The following KIAA1614 variants were observed in gnomAD, a reference collection of about 807,000 sequenced individuals.
KIAA1614 encodes the protein KIAA1614, also known as uncharacterized protein KIAA1614.
A neutral mutation model predicts 88.7 loss-of-function variants in KIAA1614; 76 were observed. That is an observed-to-expected ratio of 0.86 (90% confidence interval 0.71 to 1.04). KIAA1614 has a LOEUF of 1.04. KIAA1614 is among the 50% of genes least tolerant of loss of function. The pLI, the probability that KIAA1614 is intolerant of heterozygous loss-of-function variation, is 0.00. For missense variants in KIAA1614, 1,553 were observed against 1,582.5 expected (o/e 0.98, Z 0.32); for synonymous variants, 714 against 675.5 (o/e 1.06, Z -0.88).
chr1:180,940,053 T>G (rs2102273858), intron 6 of KIAA1614, among the ~76,000 whole-genome samples: 1 of 152,346 alleles, frequency 6.6e-6, no homozygotes, highest in Non-Finnish European at 1.5e-5. Context: ...TTCAAAGAAG[T>G]GCCTGGTCAC....
chr1:180,933,807 G>A (rs555286564), intron 4 of KIAA1614, among the ~76,000 whole-genome samples: 28 of 152,344 alleles, frequency 1.8e-4, no homozygotes, highest in African/African-American at 6.5e-4. Flanking sequence ...GAGAGTGTGT[G>A]TGAGGGCTGG....
intron 7 of KIAA1614, among the ~76,000 whole-genome samples, chr1:180,942,810 G>T (rs1427554466): frequency 2.0e-5 from 3 of 152,168 alleles, no homozygotes; most frequent in African/African-American, 7.2e-5. Flanking sequence ...AATGGACAGA[G>T]ATAGGAAGTC....
At position 180,935,773 on chromosome 1, in the gene KIAA1614, A is replaced by G; in HGVS notation, c.1864A>G (p.Arg622Gly). Residue 622 changes from arginine (R) to glycine (G), a missense_variant, in exon 5 of 9, where the codon AGG (arginine) becomes GGG (glycine). By Grantham distance (125) the Arg-to-Gly change is moderately radical. Coordinates refer to ENST00000367588, the MANE Select transcript of KIAA1614 (RefSeq NM_020950.2). This position sits in a 1 kb window ranked among gnomAD's most constrained non-coding sequence, Gnocchi z 6.1. ...CAGCACAGACAACTCTGACAACTGC[A>G]GGACCGACAGTGAGGAGGCGGGGAC... Reference protein sequence around the residue: ...LDSTDNSDNCRTDSEEAGTSQ... With the variant: ...LDSTDNSDNCGTDSEEAGTSQ... 3.1e-6 allele frequency: 5 copies of G among 1,613,880 alleles called. No individual in the cohort carries two copies. Among genetic ancestry groups the G allele is most frequent in the Non-Finnish European group, 4.2e-6 (5 of 1,179,944 alleles).
rs1400278472 is a variant in KIAA1614, at chr1:180,947,614, T to C, written c.*2026T>C. ...CCTCACAGGCCTTCCCGTAGCCTCCTCTCCCGTTAGGGGAGCAGGACAGGC... is the reference window on the plus strand; with the variant it reads ...CCTCACAGGCCTTCCCGTAGCCTCCCCTCCCGTTAGGGGAGCAGGACAGGC... On this transcript the variant is annotated 3_prime_UTR_variant, in exon 9 of 9. Transcript: ENST00000367588. 6.6e-6 allele frequency: 1 copy of C among 152,146 alleles called. No homozygotes were observed. Among genetic ancestry groups the C allele is most frequent in the Non-Finnish European group, 1.5e-5 (1 of 68,048 alleles). The allele number at this position is 152,146 out of a possible 1,614,324, so 9.4% of individuals were successfully genotyped here. A position where few individuals can be genotyped will look rare whatever the true frequency, so the allele number is the denominator to read the frequency against.
At chr1:180,920,573 A>T (rs570079193) in intron 3 of KIAA1614, among the ~76,000 whole-genome samples, 1 of 152,258 alleles carries the variant, frequency 6.6e-6, no homozygotes, top group African/African-American at 2.4e-5. Context: ...AAGTGTTGCA[A>T]TCAAATAACC....
Position 180,950,440 on chromosome 1 carries a change from G to A in KIAA1614, c.*4852G>A, listed in dbSNP as rs1168840203. 4 of 1,188,446 alleles carry A rather than the reference G, an allele frequency of 3.4e-6. No individual in the cohort carries two copies. The highest frequency in any genetic ancestry group is 6.7e-5 in the Admixed American group (2 of 29,816). The allele number at this position is 1,188,446 out of a possible 1,614,324, so 73.6% of individuals were successfully genotyped here. A position where few individuals can be genotyped will look rare whatever the true frequency, so the allele number is the denominator to read the frequency against. On this transcript the variant is annotated 3_prime_UTR_variant, in exon 9 of 9. Transcript: ENST00000367588. The stretch of plus-strand genomic sequence containing the variant: ...TCCTCGAGGTGAACGGGGCCAAGGT[G>A]GCAGGGCTGGGCTTGGCTCACATTA...
chr1:180,921,660 T>C (rs989458154), intron 3 of KIAA1614, among the ~76,000 whole-genome samples: 1 of 152,098 alleles, frequency 6.6e-6, no homozygotes, highest in Non-Finnish European at 1.5e-5. Context: ...TGTTCTCAGG[T>C]GTGGGCAAAG....
intron 3 of KIAA1614, 46 bp from the exon 4 acceptor site, chr1:180,928,384 C>G (rs764462857): frequency 6.7e-7 from 1 of 1,483,434 alleles, no homozygotes; most frequent in South Asian, 1.4e-5. Context: ...GCGTTATTTT[C>G]CTCTAATCCC....
At chr1:180,936,768 T>C in intron 5 of KIAA1614, 98 bp downstream of exon 5, 1 of 760,744 alleles carries the variant, frequency 1.3e-6, no homozygotes, top group South Asian at 2.1e-5. Context: ...TTCAGAGTCA[T>C]TCCCTTTTAT....
At chr1:180,918,393 C>G (rs778360757) in intron 3 of KIAA1614, among the ~76,000 whole-genome samples, 1 of 152,192 alleles carries the variant, frequency 6.6e-6, no homozygotes, top group African/African-American at 2.4e-5. Context: ...CCTTACCATG[C>G]TATCCCACGG....
rs1654342682 is a variant in KIAA1614 at position 180,936,649 on chromosome 1, C to T, written c.2740C>T (p.Pro914Ser). 3.9e-6 allele frequency: 6 copies of T among 1,556,480 alleles called. No individual in the cohort carries two copies. The highest frequency in any genetic ancestry group is 5.2e-6 in the Non-Finnish European group (6 of 1,155,078). The change falls in exon 5 of 9, where the codon CCC (proline) becomes TCC (serine). Residue 914 changes from proline to serine, a missense_variant. By Grantham distance (74) the Pro-to-Ser change is moderately conservative. Transcript: ENST00000367588. ...RGPCSREPEP[P>S]LENSRDGGPQ... ...CCCCTGCAGCCGGGAACCGGAGCCGCCCCTGGAGAACAGCAGAGATGGTAA... is the reference window on the plus strand; with the variant it reads ...CCCCTGCAGCCGGGAACCGGAGCCGTCCCTGGAGAACAGCAGAGATGGTAA...
intron 2 of KIAA1614, 49 bp downstream of exon 2, chr1:180,917,149 C>A: frequency 6.7e-7 from 1 of 1,484,658 alleles, no homozygotes; most frequent in Non-Finnish European, 9.3e-7. Flanking sequence ...AGGAGGGAAT[C>A]CAGAGGGAGG....
In KIAA1614 at chr1:180,936,116, C is replaced by A; in HGVS notation, c.2207C>A (p.Pro736His). The A allele has an allele frequency of 6.2e-7, 1 of 1,614,182 alleles. No homozygotes were observed. The highest frequency in any genetic ancestry group is 8.5e-7 in the Non-Finnish European group (1 of 1,180,020). ...GGGCTGGGAAGTCACCAGCCTCACC[C>A]TTTGGATTCCCGGACTCCATGCAGG... ...GPGLGSHQPH[P>H]LDSRTPCRTA... Residue 736 changes from proline (P) to histidine (H), a missense_variant, in exon 5 of 9, where the codon CCT (proline) becomes CAT (histidine). By Grantham distance (77) the Pro-to-His change is moderately conservative. Transcript: ENST00000367588.
At chr1:180,915,267 G>A (rs927259534) in intron 1 of KIAA1614, among the ~76,000 whole-genome samples, 3 of 152,208 alleles carry the variant, frequency 2.0e-5, no homozygotes, top group Admixed American at 2.0e-4. Context: ...GTGCATCAGG[G>A]GTCAGGGGTG....
intron 1 of KIAA1614, among the ~76,000 whole-genome samples, chr1:180,914,805 C>A (rs1653741668): frequency 6.6e-6 from 1 of 152,130 alleles, no homozygotes; most frequent in South Asian, 2.1e-4. Flanking sequence ...GTGGTGCAAT[C>A]TTGGCTCACT....
rs934717164 is a variant in KIAA1614 at position 180,918,733 on chromosome 1, C to T, written c.1061+819C>T. 5.9e-5 allele frequency among the ~76,000 whole-genome samples: 9 copies of T among 152,182 alleles called. 1 individual carries two copies. The highest frequency in any genetic ancestry group is 1.9e-4 in the African/African-American group (8 of 41,440). On this transcript the variant is annotated intron_variant, in intron 3 of 8. Coordinates refer to ENST00000367588, the MANE Select transcript of KIAA1614 (RefSeq NM_020950.2). The stretch of plus-strand genomic sequence containing the variant: ...GCAGAGGTCGACACGGTTGCTGCTC[C>T]GGTGTAAGGCGGCTCCTGCACAAAT...
chr1:180,928,454 TG>T lies in KIAA1614; in HGVS notation c.1087del (p.Val363CysfsTer2). The T allele has an allele frequency of 1.2e-6, 2 of 1,613,032 alleles. No homozygotes were observed. The highest frequency in any genetic ancestry group is 1.7e-6 in the Non-Finnish European group (2 of 1,179,702). On this transcript the variant is annotated frameshift_variant, in exon 4 of 9. Transcript: ENST00000367588. LOFTEE classifies it high-confidence loss of function. ...NRTVGPNPEP[V>X]LSPRHEEATH... ...GGACCGTTGGTCCCAACCCGGAGCC[TG>T]TGCTGAGCCCCAGGCATGAGGAAGC...
intron 3 of KIAA1614, among the ~76,000 whole-genome samples, chr1:180,921,222 G>A (rs1479977857): frequency 6.6e-6 from 1 of 151,682 alleles, no homozygotes; most frequent in East Asian, 1.9e-4. Context: ...CAGGGGCGGG[G>A]GGTCACAAGG....
rs148860374 is a variant in KIAA1614, at chr1:180,931,302, A to G, written c.1205+2729A>G. Among the ~76,000 whole-genome samples the G allele has an allele frequency of 3.4e-3, 511 of 152,234 alleles. 6 individuals are homozygous for G. The highest frequency in any genetic ancestry group is 9.8e-3 in the African/African-American group (406 of 41,570). ...AGTGGTACTGTCCTGGGTCAGAGAG[A>G]GTGGCTGTGTTGAGACTGCAGAGCT... On this transcript the variant is annotated intron_variant, in intron 4 of 8. Coordinates refer to ENST00000367588, the MANE Select transcript of KIAA1614 (RefSeq NM_020950.2).
Sources: allele counts gnomAD v4.1 joint callset (sites outside exome capture counted in the v4.1 genomes callset), GRCh38; gene constraint gnomAD v4.1.1; non-coding constraint Gnocchi (gnomAD v3.1); transcripts MANE v1.5; gene names NCBI Gene and HGNC (gene_info 2026-07-23, HGNC 2026-07-21).